R3HCC1L: variants seen among roughly 807,000 people sequenced by gnomAD.
The protein encoded by R3HCC1L is R3H domain and coiled-coil containing 1 like.
A neutral mutation model predicts 59.9 loss-of-function variants in R3HCC1L; 51 were observed. The ratio of observed to expected loss-of-function variants is 0.85; its 90% CI spans 0.68 to 1.07. R3HCC1L has a LOEUF of 1.07. Ranked by LOEUF, R3HCC1L falls within the 50% of genes least tolerant of loss-of-function variation. The probability of loss-of-function intolerance (pLI) is 0.00; values close to 1 mark genes in which losing one functional copy is unlikely to be tolerated. For missense variants in R3HCC1L, 965 were observed against 933.0 expected (o/e 1.03, Z -0.45); for synonymous variants, 322 against 315.2 (o/e 1.02, Z -0.23).
In R3HCC1L at chr10:98,201,391, T is replaced by C. The variant is rs76520268; in HGVS notation, c.-14-6710T>C. ...CAGGATTAGAACTCAATATACTGAATACCTCACTTAAGACATTTTATAATT... is the reference window on the plus strand; with the variant it reads ...CAGGATTAGAACTCAATATACTGAACACCTCACTTAAGACATTTTATAATT... On this transcript the variant is annotated intron_variant, in intron 4 of 9. Coordinates refer to ENST00000298999, the MANE Select transcript of R3HCC1L (RefSeq NM_001351015.2). 7.9e-3 allele frequency among the ~76,000 whole-genome samples: 1,211 copies of C among 152,342 alleles called. 25 individuals carry two copies. Among genetic ancestry groups the C allele is most frequent in the African/African-American group, 0.028 (1,168 of 41,576 alleles).
At chr10:98,221,479 C>A (rs1278256285) in intron 5 of R3HCC1L, among the ~76,000 whole-genome samples, 1 of 151,460 alleles carries the variant, frequency 6.6e-6, no homozygotes, top group African/African-American at 2.4e-5. Flanking sequence ...AATGGTAATG[C>A]CTAGGTTTTC....
intron 9 of R3HCC1L, among the ~76,000 whole-genome samples, chr10:98,242,554 T>C (rs1283262993): frequency 1.3e-5 from 2 of 152,208 alleles, no homozygotes; most frequent in African/African-American, 2.4e-5. Flanking sequence ...GGCCCCAAGC[T>C]TTAAAGAAAG....
intron 8 of R3HCC1L, 41 bp downstream of exon 8, chr10:98,235,561 G>T: frequency 6.7e-7 from 1 of 1,486,350 alleles, no homozygotes; most frequent in African/African-American, 1.4e-5. Context: ...GCTGATGGTG[G>T]TATTATTGTT....
At chr10:98,147,339 A>C (rs1294730759) in intron 1 of R3HCC1L, among the ~76,000 whole-genome samples, 1 of 152,078 alleles carries the variant, frequency 6.6e-6, no homozygotes, top group African/African-American at 2.4e-5. Context: ...GATAGTTTGC[A>C]AGTATTTTCT....
chr10:98,185,475 T>A (rs1564662552), intron 4 of R3HCC1L, among the ~76,000 whole-genome samples: 3 of 152,148 alleles, frequency 2.0e-5, no homozygotes, highest in Admixed American at 6.6e-5. Flanking sequence ...AGAACTGTGA[T>A]GCAGACCTAA....
chr10:98,221,461 A>T (rs369465560), intron 5 of R3HCC1L, among the ~76,000 whole-genome samples: 2 of 151,300 alleles, frequency 1.3e-5, no homozygotes, highest in South Asian at 2.1e-4. Context: ...GCCCATGCCT[A>T]TGTCCTGAAT....
chr10:98,229,457 C>T (rs1856090687), intron 5 of R3HCC1L, among the ~76,000 whole-genome samples: 1 of 152,112 alleles, frequency 6.6e-6, no homozygotes, highest in Admixed American at 6.6e-5. Flanking sequence ...CTGAAGTTGC[C>T]TGTCAACTTA....
chr10:98,180,408 A>T (rs1433879057), intron 4 of R3HCC1L, among the ~76,000 whole-genome samples: 1 of 152,164 alleles, frequency 6.6e-6, no homozygotes, highest in Non-Finnish European at 1.5e-5. Context: ...CTTTGATTGC[A>T]CTATGGTCTG....
chr10:98,222,805 GAAAAA>G (rs1855186124), intron 5 of R3HCC1L, among the ~76,000 whole-genome samples: 1 of 151,084 alleles, frequency 6.6e-6, no homozygotes, highest in African/African-American at 2.4e-5. Context: ...GACTAATAAA[GAAAAA>G]AAGAGAGAAG....
intron 5 of R3HCC1L, among the ~76,000 whole-genome samples, chr10:98,229,288 A>C (rs980466503): frequency 6.6e-6 from 1 of 152,122 alleles, no homozygotes; most frequent in African/African-American, 2.4e-5. Context: ...TTGTCCTTGA[A>C]GAGGTCCTTC....
intron 4 of R3HCC1L, among the ~76,000 whole-genome samples, chr10:98,170,470 A>G (rs80323280): frequency 1.3e-5 from 2 of 152,162 alleles, no homozygotes; most frequent in East Asian, 3.9e-4. Flanking sequence ...GGTATGTGCT[A>G]CCGTTCCCAG....
rs763956118 is a variant in R3HCC1L at position 98,209,677 on chromosome 10, A to G, written c.1563A>G (p.Glu521=). 2 of 1,614,020 alleles carry G rather than the reference A, an allele frequency of 1.2e-6. No homozygotes were observed. The highest frequency in any genetic ancestry group is 1.7e-6 in the Non-Finnish European group (2 of 1,179,924). Residue 521 remains glutamate (E), a synonymous_variant, in exon 5 of 10, where the codon GAA becomes GAG. Transcript: ENST00000298999. ...GTGATACAACAGAAGCATTGCACGAACTAAGAACTGCCGAAGAGTTCAAAA... is the reference window on the plus strand; with the variant it reads ...GTGATACAACAGAAGCATTGCACGAGCTAAGAACTGCCGAAGAGTTCAAAA... ...STGDTTEALH[E]LRTAEEFKTE... is the part of the protein sequence containing the mutation.
intron 4 of R3HCC1L, among the ~76,000 whole-genome samples, chr10:98,171,065 G>T (rs1289434278): frequency 1.3e-5 from 2 of 152,188 alleles, no homozygotes; most frequent in African/African-American, 4.8e-5. Context: ...AAACACATAG[G>T]CATGCACACA....
chr10:98,182,963 G>A lies in R3HCC1L; in HGVS notation c.-15+19566G>A, dbSNP rs377701440. On this transcript the variant is annotated intron_variant, in intron 4 of 9. Coordinates refer to ENST00000298999, the MANE Select transcript of R3HCC1L (RefSeq NM_001351015.2). The stretch of plus-strand genomic sequence containing the variant: ...GTCTGTCATGGCTTCCCTTGGCTAG[G>A]AAAGGGAAATCCCCTGACCGCTTGC... Among the ~76,000 whole-genome samples, 5 of 152,312 alleles carry A rather than the reference G, an allele frequency of 3.3e-5. No homozygotes were observed. The South Asian group carries it at 1.0e-3, about 32-fold the overall frequency.
At chr10:98,193,927 C>G (rs538668141) in intron 4 of R3HCC1L, among the ~76,000 whole-genome samples, 1 of 152,216 alleles carries the variant, frequency 6.6e-6, no homozygotes, top group South Asian at 2.1e-4. Context: ...TCTACAGAGT[C>G]AGAACAATCT....
intron 1 of R3HCC1L, among the ~76,000 whole-genome samples, chr10:98,141,636 G>A (rs1181697269): frequency 1.3e-5 from 2 of 152,212 alleles, no homozygotes; most frequent in African/African-American, 4.8e-5. Flanking sequence ...GTGACTTTAT[G>A]GCTGGTACTT....
At chr10:98,141,987 A>C (rs549653647) in intron 1 of R3HCC1L, among the ~76,000 whole-genome samples, 10 of 152,226 alleles carry the variant, frequency 6.6e-5, no homozygotes, top group African/African-American at 2.4e-4. Context: ...ATCACTTTTT[A>C]AATGTCAATG....
In R3HCC1L at chr10:98,209,400, G is replaced by C; in HGVS notation, c.1286G>C (p.Arg429Thr). Residue 429 changes from arginine to threonine, a missense_variant, in exon 5 of 10, where the codon AGA becomes ACA. Coordinates refer to ENST00000298999, the MANE Select transcript of R3HCC1L (RefSeq NM_001351015.2). ...SADATPLHVA[R>T]SGNDTEDFSN... is the part of the protein sequence containing the mutation. ...GATGCAACCCCTCTTCATGTAGCTA[G>C]AAGTGGGAATGACACTGAAGATTTC... 6.2e-7 allele frequency: 1 copy of C among 1,613,844 alleles called. No homozygotes were observed. The highest frequency in any genetic ancestry group is 8.5e-7 in the Non-Finnish European group (1 of 1,179,986).
intron 1 of R3HCC1L, among the ~76,000 whole-genome samples, chr10:98,148,229 T>A (rs985859599): frequency 3.3e-5 from 5 of 152,188 alleles, no homozygotes; most frequent in African/African-American, 1.2e-4. Flanking sequence ...CTGATTTTTG[T>A]ATGTTGATTT....
Sources: gnomAD v4.1 joint callset for allele counts (sites outside exome capture counted in the v4.1 genomes callset) on GRCh38, gnomAD v4.1.1 for gene constraint, MANE v1.5 for transcripts, NCBI Gene and HGNC (gene_info 2026-07-23, HGNC 2026-07-21) for gene names.